Variants in MAPK7 observed in about 807,000 individuals in gnomAD.
The protein encoded by MAPK7 is BMK-1.
MAPK7 carries 30 observed loss-of-function variants against 56.9 expected under a neutral mutation model. That is an observed-to-expected ratio of 0.53 (90% CI 0.39 to 0.72). The LOEUF is 0.72. Ranked by LOEUF, MAPK7 falls within the 30% of genes least tolerant of loss-of-function variation. The probability of loss-of-function intolerance (pLI) is 0.00; values close to 1 mark genes in which losing one functional copy is unlikely to be tolerated. For synonymous variants in MAPK7, 516 were observed against 449.3 expected (o/e 1.15, Z -1.88); for missense variants, 952 against 1,110.8 (o/e 0.86, Z 2.03).
intron 2 of MAPK7, 89 bp downstream of exon 2, chr17:19,379,221 G>A (rs1278132916): frequency 2.5e-6 from 3 of 1,210,556 alleles, no homozygotes; most frequent in South Asian, 1.4e-5. Flanking sequence ...GAAGGAAAGC[G>A]GGGTGCGAGT....
At chr17:19,379,644 G>A in intron 2 of MAPK7, 138 bp from the exon 3 acceptor site, 2 of 729,880 alleles carry the variant, frequency 2.7e-6, no homozygotes, top group Non-Finnish European at 4.6e-6. Flanking sequence ...TTAGCACAGG[G>A]CTTGGCACAT....
chr17:19,382,783 G>A (rs763152479), intron 5 of MAPK7, 30 bp from the exon 6 acceptor site: 59 of 1,611,266 alleles, frequency 3.7e-5, no homozygotes, highest in Non-Finnish European at 5.0e-5. Context: ...ACCTCAGTCT[G>A]TCTGCATTGT....
In MAPK7 at chr17:19,378,626, C is replaced by T. The variant is rs1191478981; in HGVS notation, c.-10C>T. Reference sequence around the variant, plus strand: ...GACCTCTGAAAGCCTTGAGGAGGCGCGGGGGTGAGTGCGGCCCTGAGGAAA... The same window carrying T: ...GACCTCTGAAAGCCTTGAGGAGGCGTGGGGGTGAGTGCGGCCCTGAGGAAA... On this transcript the variant is annotated 5_prime_UTR_variant, in exon 1 of 7. Coordinates refer to ENST00000395604, the MANE Select transcript of MAPK7 (RefSeq NM_002749.4). The surrounding 1 kb of genome is among the most constrained non-coding windows in gnomAD (Gnocchi z 5.4). The T allele has an allele frequency of 1.9e-5, 26 of 1,339,454 alleles. No individual in the cohort carries two copies. The highest frequency in any genetic ancestry group is 2.4e-5 in the Non-Finnish European group (25 of 1,045,806). The allele number at this position is 1,339,454 out of a possible 1,614,324, so 83.0% of individuals were successfully genotyped here. A position where few individuals can be genotyped will look rare whatever the true frequency, so the allele number is the denominator to read the frequency against.
intron 2 of MAPK7, 103 bp downstream of exon 2, chr17:19,379,235 G>A: frequency 9.5e-7 from 1 of 1,054,892 alleles, no homozygotes; most frequent in East Asian, 2.6e-5. Flanking sequence ...TGCGAGTTCT[G>A]GCTCCAGTCA....
chr17:19,380,865 C>T lies in MAPK7; in HGVS notation c.656C>T (p.Thr219Ile), dbSNP rs1912589853. ...CCCGCTGAACATCAGTACTTCATGA[C>T]TGAGTATGTGGCCACGCGCTGGTAC... ...TSPAEHQYFM[T>I]EYVATRWYRA... The change falls in exon 4 of 7, where the codon ACT (threonine) becomes ATT (isoleucine). Residue 219 changes from threonine to isoleucine, a missense_variant. Physicochemically the swap from Thr to Ile is moderately conservative, Grantham distance 89. Transcript: ENST00000395604. 3 of 1,613,984 alleles carry T rather than the reference C, an allele frequency of 1.9e-6. No individual in the cohort carries two copies. Among genetic ancestry groups the T allele is most frequent in the African/African-American group, 1.3e-5 (1 of 74,930 alleles).
At chr17:19,378,392 G>A, upstream of MAPK7, 1 of 990,740 alleles carries the variant, frequency 1.0e-6, no homozygotes. This position sits in a 1 kb window ranked among gnomAD's most constrained non-coding sequence, Gnocchi z 5.4. Flanking sequence ...GGCTAGGATT[G>A]GACGCAGTAG....
At chr17:19,378,101 GGTAACA>G (rs1269026479), upstream of MAPK7, 10 of 982,248 alleles carry the variant, frequency 1.0e-5, no homozygotes, top group Admixed American at 6.1e-5. This position sits in a 1 kb window ranked among gnomAD's most constrained non-coding sequence, Gnocchi z 5.4. Context: ...CAGTAGCCAA[GGTAACA>G]GTCCCAGACC....
upstream of MAPK7, chr17:19,378,363 G>A: frequency 1.0e-6 from 1 of 988,276 alleles, no homozygotes; most frequent in Non-Finnish European, 1.2e-6. The surrounding 1 kb of genome is among the most constrained non-coding windows in gnomAD (Gnocchi z 5.4). Flanking sequence ...CGCGCCAGGC[G>A]TGGCTTTCTC....
At position 19,380,618 on chromosome 17, in the gene MAPK7, C is replaced by A; in HGVS notation, c.409C>A (p.Leu137Met). ...YGEFKSVYVVLDLMESDLHQI... is the reference protein window; with the variant it reads ...YGEFKSVYVVMDLMESDLHQI... ...TCCTTCCCCTTCCAGCTACGTGGTC[C>A]TGGACCTGATGGAAAGCGACCTGCA... Residue 137 changes from leucine to methionine, a missense_variant, in exon 4 of 7, where the codon CTG (leucine) becomes ATG (methionine). Physicochemically the swap from Leu to Met is conservative, Grantham distance 15. Coordinates refer to ENST00000395604, the MANE Select transcript of MAPK7 (RefSeq NM_002749.4). 6.2e-7 allele frequency: 1 copy of A among 1,601,806 alleles called. No homozygotes were observed. The highest frequency in any genetic ancestry group is 1.1e-5 in the South Asian group (1 of 89,964).
In MAPK7 at chr17:19,382,924, G is replaced by A. The variant is rs35099302; in HGVS notation, c.2275G>A (p.Val759Met). ...CTTAAACCAGTCTTTCGACATGGGC[G>A]TGGCTGATGGGCCACAGGATGGGTA... The part of the protein sequence containing the change: ...EFLNQSFDMG[V>M]ADGPQDGQAD... The change falls in exon 6 of 7, where the codon GTG (valine) becomes ATG (methionine). Residue 759 changes from valine to methionine, a missense_variant. Val to Met is a conservative substitution (Grantham distance 21, BLOSUM62 1). Around this residue, in one of 5 missense-constraint regions of MAPK7, gnomAD observed 73 missense variants for 104.6 expected, o/e 0.70. Transcript: ENST00000395604. The A allele has an allele frequency of 2.0e-5, 33 of 1,614,122 alleles. No individual in the cohort carries two copies. The highest frequency in any genetic ancestry group is 4.0e-5 in the African/African-American group (3 of 74,942).
Position 19,382,224 on chromosome 17 carries a change from C to T in MAPK7, c.1921C>T (p.His641Tyr). 1 of 1,611,772 alleles carries T rather than the reference C, an allele frequency of 6.2e-7. No individual in the cohort carries two copies. ...PACPPPGPAP[H>Y]PTGPPGPIPV... Reference sequence around the variant, plus strand: ...CTGCCCACCCCCTGGCCCTGCACCCCACCCCACTGGCCCTCCTGGGCCCAT... The same window carrying T: ...CTGCCCACCCCCTGGCCCTGCACCCTACCCCACTGGCCCTCCTGGGCCCAT... Residue 641 changes from histidine to tyrosine, a missense_variant, in exon 5 of 7, where the codon CAC becomes TAC. This residue lies in a region of MAPK7 where 234 missense variants were observed against 210.4 expected (regional missense o/e 1.11). Coordinates refer to ENST00000395604, the MANE Select transcript of MAPK7 (RefSeq NM_002749.4).
Position 19,383,115 on chromosome 17 carries a change from G to A in MAPK7, c.2335G>A (p.Ala779Thr). The A allele has an allele frequency of 6.2e-7, 1 of 1,614,098 alleles. No homozygotes were observed. The highest frequency in any genetic ancestry group is 8.5e-7 in the Non-Finnish European group (1 of 1,180,022). Residue 779 changes from alanine to threonine, a missense_variant, in exon 7 of 7, where the codon GCT (alanine) becomes ACT (threonine). Transcript: ENST00000395604. ...DSASLSASLL[A>T]DWLEGHGMNP... ...AGCCTCTCTCTCAGCCTCCCTGCTTGCTGACTGGCTCGAAGGCCATGGCAT... is the reference window on the plus strand; with the variant it reads ...AGCCTCTCTCTCAGCCTCCCTGCTTACTGACTGGCTCGAAGGCCATGGCAT...
At chr17:19,382,722 C>T in intron 5 of MAPK7, 91 bp from the exon 6 acceptor site, 1 of 1,532,438 alleles carries the variant, frequency 6.5e-7, no homozygotes, top group Non-Finnish European at 8.9e-7. Flanking sequence ...GTTAGCACTC[C>T]CAGATATCCA....
At chr17:19,379,726 G>A (rs1912477825) in intron 2 of MAPK7, 56 bp from the exon 3 acceptor site, 4 of 1,555,042 alleles carry the variant, frequency 2.6e-6, no homozygotes, top group East Asian at 4.5e-5. Context: ...GGGCTGAGTC[G>A]ACTCTGCAGT....
At chr17:19,382,792 G>A (rs775730002) in intron 5 of MAPK7, 21 bp from the exon 6 acceptor site, 35 of 1,612,842 alleles carry the variant, frequency 2.2e-5, no homozygotes, top group East Asian at 1.3e-4. Flanking sequence ...TGTCTGCATT[G>A]TAACCTGTCA....
intron 2 of MAPK7, chr17:19,379,481 G>A (rs1598111519): frequency 9.0e-6 from 5 of 556,464 alleles, no homozygotes; most frequent in Non-Finnish European, 1.6e-5. Flanking sequence ...GATGGAGAGG[G>A]TGTAGGCATA....
At position 19,383,096 on chromosome 17, in the gene MAPK7, T is replaced by A. The variant is rs760938027; in HGVS notation, c.2316T>A (p.Ser772=). 1.2e-6 allele frequency: 2 copies of A among 1,614,104 alleles called. No individual in the cohort carries two copies. Among genetic ancestry groups the A allele is most frequent in the South Asian group, 2.2e-5 (2 of 91,082 alleles). ...CCTGCAGCCAGGCAGATTCAGCCTC[T>A]CTCTCAGCCTCCCTGCTTGCTGACT... ...GPQDGQADSA[S]LSASLLADWL... The change falls in exon 7 of 7, where the codon TCT becomes TCA. Residue 772 remains serine, a synonymous_variant. Transcript: ENST00000395604.
chr17:19,382,242 G>C lies in MAPK7; in HGVS notation c.1939G>C (p.Gly647Arg). The change falls in exon 5 of 7, where the codon GGG (glycine) becomes CGG (arginine). Residue 647 changes from glycine (G) to arginine (R), a missense_variant. Coordinates refer to ENST00000395604, the MANE Select transcript of MAPK7 (RefSeq NM_002749.4). ...GPAPHPTGPP[G>R]PIPVPAPPQI... ...TGCACCCCACCCCACTGGCCCTCCT[G>C]GGCCCATCCCTGTCCCCGCGCCACC... 6.3e-7 allele frequency: 1 copy of C among 1,590,846 alleles called. No homozygotes were observed. Among genetic ancestry groups the C allele is most frequent in the South Asian group, 1.1e-5 (1 of 90,270 alleles).
At chr17:19,379,662 A>C (rs190764754) in intron 2 of MAPK7, 120 bp from the exon 3 acceptor site, 1 of 846,224 alleles carries the variant, frequency 1.2e-6, no homozygotes, top group Admixed American at 2.3e-5. Context: ...CATAGTAGGT[A>C]CCCAATACTT....
Sources: gnomAD v4.1 joint callset for allele counts on GRCh38, gnomAD v4.1.1 for gene constraint, gnomAD v4.1.1 regional missense constraint, Gnocchi (gnomAD v3.1) non-coding constraint, MANE v1.5 for transcripts, NCBI Gene and HGNC (gene_info 2026-07-23, HGNC 2026-07-21) for gene names.